The following SMARCC1 variants were observed in gnomAD, a reference collection of about 807,000 sequenced individuals.
SMARCC1 encodes the protein SWI/SNF complex subunit SMARCC1.
SMARCC1 carries 43 observed loss-of-function variants against 147.4 expected under a neutral mutation model. The ratio of observed to expected loss-of-function variants is 0.29; its 90% CI spans 0.23 to 0.38. The LOEUF is 0.38. Among genes scored for constraint, SMARCC1 ranks in the 10% least tolerant of loss-of-function variants. The probability of loss-of-function intolerance (pLI) is 1.00; values close to 1 mark genes in which losing one functional copy is unlikely to be tolerated. For missense variants in SMARCC1, 1,119 were observed against 1,381.1 expected (o/e 0.81, Z 3.01); for synonymous variants, 495 against 484.4 (o/e 1.02, Z -0.29).
At chr3:47,697,088 A>G (rs1489039160) in intron 11 of SMARCC1, among the ~76,000 whole-genome samples, 2 of 152,164 alleles carry the variant, frequency 1.3e-5, no homozygotes, top group African/African-American at 4.8e-5. Flanking sequence ...TGGGAGGCTG[A>G]GGAGGGTAGA....
intron 21 of SMARCC1, 108 bp downstream of exon 21, chr3:47,661,186 C>G (rs777621135): frequency 2.2e-6 from 2 of 917,256 alleles, no homozygotes; most frequent in African/African-American, 3.3e-5. Flanking sequence ...CAAGTTTATA[C>G]TGATCATTGT....
intron 2 of SMARCC1, among the ~76,000 whole-genome samples, chr3:47,759,480 G>A (rs138668922): frequency 0.011 from 1,597 of 151,368 alleles, 23 homozygotes; most frequent in Admixed American, 0.021. Flanking sequence ...AATTAGCCGA[G>A]CATGGTGGGG....
chr3:47,601,244 T>C (rs539184591), intron 26 of SMARCC1, among the ~76,000 whole-genome samples: 1 of 152,286 alleles, frequency 6.6e-6, no homozygotes, highest in Non-Finnish European at 1.5e-5. Flanking sequence ...TTGTATCTTT[T>C]ACTAAAGCAT....
At chr3:47,666,481 C>T (rs2033421627) in intron 19 of SMARCC1, among the ~76,000 whole-genome samples, 1 of 151,796 alleles carries the variant, frequency 6.6e-6, no homozygotes, top group Admixed American at 6.6e-5. Flanking sequence ...AACACAATAC[C>T]TAATAAAGTT....
chr3:47,594,507 C>A (rs748259796), intron 26 of SMARCC1, among the ~76,000 whole-genome samples: 1 of 152,082 alleles, frequency 6.6e-6, no homozygotes, highest in Non-Finnish European at 1.5e-5. Flanking sequence ...GAAGAGTCTG[C>A]CAATCTAGGG....
At chr3:47,691,062 G>A (rs1420224583) in intron 12 of SMARCC1, among the ~76,000 whole-genome samples, 1 of 152,016 alleles carries the variant, frequency 6.6e-6, no homozygotes, top group Non-Finnish European at 1.5e-5. Flanking sequence ...TTAGTCTGAC[G>A]AATTTCATTC....
At position 47,725,032 on chromosome 3, in the gene SMARCC1, C is replaced by CAAAAAAA. The variant is rs35548192; in HGVS notation, c.646+3986_646+3992dup. Among the ~76,000 whole-genome samples, 137 of 31,410 alleles carry CAAAAAAA rather than the reference C, an allele frequency of 4.4e-3. 8 individuals are homozygous for CAAAAAAA. Among genetic ancestry groups the CAAAAAAA allele is most frequent in the South Asian group, 6.3e-3 (4 of 636 alleles). 20.6% of individuals were successfully genotyped at this position (31,410 alleles called of 152,430 possible). Reference sequence around the variant, plus strand: ...AGGTAACAGAAAAAGACTGTCTCCACAAAAAAAAAAAAAAAAAAAAAAAAA... The same window carrying CAAAAAAA: ...AGGTAACAGAAAAAGACTGTCTCCACAAAAAAAAAAAAAAAAAAAAAAAAAAAAAAAA... On this transcript the variant is annotated intron_variant, in intron 6 of 27. Coordinates refer to ENST00000254480, the MANE Select transcript of SMARCC1 (RefSeq NM_003074.4).
chr3:47,766,396 T>A (rs111649801), intron 2 of SMARCC1, among the ~76,000 whole-genome samples: 1,560 of 150,612 alleles, frequency 0.01, 30 homozygotes, highest in African/African-American at 0.035. Flanking sequence ...CAAAACCCTG[T>A]CTCTACAAAA....
chr3:47,770,887 A>G (rs1195618078), intron 2 of SMARCC1, among the ~76,000 whole-genome samples: 1 of 152,050 alleles, frequency 6.6e-6, no homozygotes, highest in Non-Finnish European at 1.5e-5. Flanking sequence ...GATCACCGAA[A>G]CAATACTATT....
intron 26 of SMARCC1, among the ~76,000 whole-genome samples, chr3:47,602,021 G>A (rs1022137467): frequency 5.3e-5 from 8 of 151,956 alleles, no homozygotes; most frequent in Non-Finnish European, 1.0e-4. Context: ...TTTCTTTTTC[G>A]GTGTGGGGTT....
At position 47,590,789 on chromosome 3, in the gene SMARCC1, C is replaced by T. The variant is rs1315146153; in HGVS notation, c.3092G>A (p.Gly1031Asp). 1 of 1,603,414 alleles carries T rather than the reference C, an allele frequency of 6.2e-7. No individual in the cohort carries two copies. The highest frequency in any genetic ancestry group is 8.5e-7 in the Non-Finnish European group (1 of 1,175,802). The change falls in exon 27 of 28, where the codon GGC (glycine) becomes GAC (aspartate). Residue 1031 changes from glycine to aspartate, a missense_variant. Gly to Asp is a moderately conservative substitution (Grantham distance 94). Around this residue, in one of 6 missense-constraint regions of SMARCC1, gnomAD observed 186 missense variants for 216.5 expected, o/e 0.86. Transcript: ENST00000254480. Reference sequence around the variant, plus strand: ...GGCTGCAACAGTGGGAATCATGCGGCCTGGCATGTGCTGCCCGGGCATCAT... The same window carrying T: ...GGCTGCAACAGTGGGAATCATGCGGTCTGGCATGTGCTGCCCGGGCATCAT... ...GSMMPGQHMP[G>D]RMIPTVAANI...
At chr3:47,685,748 T>A (rs527766956) in intron 14 of SMARCC1, among the ~76,000 whole-genome samples, 40 of 152,080 alleles carry the variant, frequency 2.6e-4, no homozygotes, top group African/African-American at 9.4e-4. Context: ...TCCCAGCTAC[T>A]CAGGAGGCTG....
intron 21 of SMARCC1, among the ~76,000 whole-genome samples, chr3:47,654,181 C>A (rs554903702): frequency 2.0e-5 from 3 of 152,208 alleles, no homozygotes; most frequent in Admixed American, 2.0e-4. Flanking sequence ...TCAAATAAGA[C>A]TGCCAATGTT....
chr3:47,736,697 C>CA (rs2034448205), intron 4 of SMARCC1, among the ~76,000 whole-genome samples: 1 of 151,258 alleles, frequency 6.6e-6, no homozygotes. Context: ...TATATAAAAT[C>CA]AAATAAAATA....
At chr3:47,754,207 CTT>C (rs35175630) in intron 2 of SMARCC1, among the ~76,000 whole-genome samples, 10 of 144,750 alleles carry the variant, frequency 6.9e-5, no homozygotes, top group Non-Finnish European at 7.6e-5. Flanking sequence ...GAACTTTACT[CTT>C]TTTTTTTTTT....
At chr3:47,658,393 G>A (rs572522932) in intron 21 of SMARCC1, among the ~76,000 whole-genome samples, 16 of 152,102 alleles carry the variant, frequency 1.1e-4, no homozygotes, top group South Asian at 2.1e-4. Flanking sequence ...AAACATTTTC[G>A]TTACTTCAAA....
At chr3:47,751,115 C>T (rs966866933) in intron 2 of SMARCC1, among the ~76,000 whole-genome samples, 1 of 151,332 alleles carries the variant, frequency 6.6e-6, no homozygotes, top group Admixed American at 6.6e-5. Flanking sequence ...CCAGGCTGGT[C>T]TTTAATTCCT....
chr3:47,646,782 G>A (rs2033125384), intron 21 of SMARCC1, among the ~76,000 whole-genome samples: 1 of 152,118 alleles, frequency 6.6e-6, no homozygotes, highest in African/African-American at 2.4e-5. Context: ...ATGTCTGCAA[G>A]GTAACAACCC....
intron 11 of SMARCC1, among the ~76,000 whole-genome samples, chr3:47,698,437 G>T (rs1451724033): frequency 1.3e-5 from 2 of 152,094 alleles, no homozygotes; most frequent in Non-Finnish European, 2.9e-5. Context: ...TACAGTGGAG[G>T]TATAATATAA....
Sources: gnomAD v4.1 joint callset for allele counts (sites outside exome capture counted in the v4.1 genomes callset) on GRCh38, gnomAD v4.1.1 for gene constraint, gnomAD v4.1.1 regional missense constraint, MANE v1.5 for transcripts, NCBI Gene and HGNC (gene_info 2026-07-23, HGNC 2026-07-21) for gene names.